The following ABCA12 variants were observed in gnomAD, a reference collection of about 807,000 sequenced individuals.
ABCA12 encodes ATP binding cassette subfamily A member 12.
Under a neutral mutation model 293.5 loss-of-function variants are expected in ABCA12, and 156 were observed. That is an observed-to-expected ratio of 0.53 (90% CI 0.47 to 0.61). ABCA12 has a LOEUF of 0.61. Among genes scored for constraint, ABCA12 ranks in the 20% least tolerant of loss-of-function variants. The pLI is 0.00. For missense variants in ABCA12, 2,797 were observed against 3,090.2 expected (o/e 0.91, Z 2.25); for synonymous variants, 1,063 against 1,108.0 (o/e 0.96, Z 0.81).
In ABCA12 at chr2:215,052,513, G is replaced by T; in HGVS notation, c.481C>A (p.Leu161Ile). The T allele has an allele frequency of 6.2e-7, 1 of 1,612,576 alleles. No individual in the cohort carries two copies. Among genetic ancestry groups the T allele is most frequent in the Non-Finnish European group, 8.5e-7 (1 of 1,178,974 alleles). ...GTYTFNGSQV[L>I]ARILGLEKLL... ...TTTTCCAAGCCAAGAATTCGTGCGA[G>T]CACTTGACTGCCATTGAAAGTATAT... The change falls in exon 5 of 53, where the codon CTC becomes ATC. Residue 161 changes from leucine (L) to isoleucine (I), a missense_variant. Leu to Ile is a conservative substitution (Grantham distance 5). This residue lies in a region of ABCA12 where 656 missense variants were observed against 638.2 expected (regional missense o/e 1.03). Coordinates refer to ENST00000272895, the MANE Select transcript of ABCA12 (RefSeq NM_173076.3).
intron 36 of ABCA12, 129 bp from the exon 37 acceptor site, chr2:214,970,529 T>A (rs944950102): frequency 2.0e-6 from 2 of 1,018,424 alleles, no homozygotes; most frequent in African/African-American, 3.3e-5. Context: ...AAGACTGTCC[T>A]TTGACTCTAA....
chr2:214,935,986 G>A (rs1409612), intron 51 of ABCA12, among the ~76,000 whole-genome samples: 44,722 of 151,916 alleles, frequency 0.29, 7,844 homozygotes, highest in South Asian at 0.44. Flanking sequence ...GAGTATCTTT[G>A]TGGACACCTT....
chr2:215,094,023 T>C (rs1702200965), intron 2 of ABCA12, among the ~76,000 whole-genome samples: 1 of 152,180 alleles, frequency 6.6e-6, no homozygotes, highest in African/African-American at 2.4e-5. Context: ...ATATCTATCG[T>C]TGAGGCTACC....
intron 26 of ABCA12, among the ~76,000 whole-genome samples, 167 bp from the exon 27 acceptor site, chr2:214,987,960 G>A (rs1699824001): frequency 6.6e-6 from 1 of 152,082 alleles, no homozygotes; most frequent in Non-Finnish European, 1.5e-5. Flanking sequence ...AAAAAACGAT[G>A]CTTTTTTTCC....
In ABCA12 at chr2:215,049,395, T is replaced by C. The variant is rs376790137; in HGVS notation, c.693+231A>G. Among the ~76,000 whole-genome samples the C allele has an allele frequency of 6.5e-4, 99 of 152,296 alleles. 1 individual carries two copies. Among genetic ancestry groups the C allele is most frequent in the African/African-American group, 2.3e-3 (95 of 41,566 alleles). Reference sequence around the variant, plus strand: ...GCCATATTTTATTTATAAAGGTGTGTCCACATTAACCATAATGTAATATTT... The same window carrying C: ...GCCATATTTTATTTATAAAGGTGTGCCCACATTAACCATAATGTAATATTT... On this transcript the variant is annotated intron_variant, in intron 6 of 52. Transcript: ENST00000272895.
At chr2:215,091,062 T>C (rs1368928358) in intron 2 of ABCA12, among the ~76,000 whole-genome samples, 18 of 152,104 alleles carry the variant, frequency 1.2e-4, no homozygotes, top group Admixed American at 1.2e-3. Context: ...GTGCCTGACG[T>C]CCAGGCATTC....
chr2:215,060,018 G>A (rs1228500340), intron 3 of ABCA12, among the ~76,000 whole-genome samples: 1 of 151,844 alleles, frequency 6.6e-6, no homozygotes, highest in Non-Finnish European at 1.5e-5. Flanking sequence ...AACTCTCCTG[G>A]CATCTGCCCA....
intron 45 of ABCA12, among the ~76,000 whole-genome samples, chr2:214,950,633 T>G (rs1395681985): frequency 1.3e-5 from 2 of 151,210 alleles, no homozygotes; most frequent in Admixed American, 6.6e-5. Flanking sequence ...GCCTCCCGAG[T>G]AACTGGGACT....
At chr2:215,054,520 C>T in intron 4 of ABCA12, 53 bp downstream of exon 4, 4 of 1,398,764 alleles carry the variant, frequency 2.9e-6, no homozygotes, top group South Asian at 1.2e-5. Context: ...AAAGATTAGA[C>T]CTTTACTGTT....
chr2:215,034,776 G>A (rs1700956003), intron 8 of ABCA12, among the ~76,000 whole-genome samples: 1 of 152,120 alleles, frequency 6.6e-6, no homozygotes, highest in Non-Finnish European at 1.5e-5. Flanking sequence ...GAGTTATTTA[G>A]ATGATAAAAT....
chr2:215,102,041 G>GTC (rs1396492588), intron 2 of ABCA12, among the ~76,000 whole-genome samples: 1 of 152,088 alleles, frequency 6.6e-6, no homozygotes, highest in African/African-American at 2.4e-5. Flanking sequence ...GTGTGTGTGT[G>GTC]TGTGTGCCTA....
At chr2:215,036,568 T>C (rs972179222) in intron 8 of ABCA12, among the ~76,000 whole-genome samples, 3 of 152,212 alleles carry the variant, frequency 2.0e-5, no homozygotes, top group African/African-American at 7.2e-5. Flanking sequence ...ATACCTTGTC[T>C]TACTGGAAAA....
At chr2:215,027,431 T>C (rs1236933972) in intron 9 of ABCA12, among the ~76,000 whole-genome samples, 1 of 152,348 alleles carries the variant, frequency 6.6e-6, no homozygotes, top group African/African-American at 2.4e-5. Context: ...AGCACTACTC[T>C]AGATCTTCTG....
intron 39 of ABCA12, among the ~76,000 whole-genome samples, chr2:214,963,544 C>T (rs1271386157): frequency 6.8e-6 from 1 of 146,960 alleles, no homozygotes; most frequent in South Asian, 2.2e-4. Flanking sequence ...AAAGGAGAGA[C>T]TCCTCCCTAA....
intron 10 of ABCA12, among the ~76,000 whole-genome samples, chr2:215,026,362 G>A (rs1237958188): frequency 2.0e-5 from 3 of 152,204 alleles, no homozygotes; most frequent in African/African-American, 7.2e-5. Context: ...AATAAAGTGT[G>A]TAAGGGTAGA....
intron 2 of ABCA12, among the ~76,000 whole-genome samples, chr2:215,069,314 T>A (rs1701692360): frequency 6.6e-6 from 1 of 151,960 alleles, no homozygotes; most frequent in Admixed American, 6.6e-5. Flanking sequence ...TGTCTCCTTG[T>A]CAAGCACCAC....
chr2:214,954,277 G>A (rs555584364), intron 43 of ABCA12, among the ~76,000 whole-genome samples, 170 bp from the exon 44 acceptor site: 1 of 152,156 alleles, frequency 6.6e-6, no homozygotes, highest in Non-Finnish European at 1.5e-5. Context: ...TATACTAAAT[G>A]GTGGATGTTT....
intron 44 of ABCA12, among the ~76,000 whole-genome samples, chr2:214,953,405 G>A (rs762185581): frequency 2.0e-5 from 3 of 152,172 alleles, no homozygotes; most frequent in Non-Finnish European, 2.9e-5. Context: ...AATGGCATGT[G>A]TATTTCTTCT....
chr2:215,112,497 G>GT (rs1186258195), intron 1 of ABCA12, among the ~76,000 whole-genome samples: 208 of 125,638 alleles, frequency 1.7e-3, no homozygotes, highest in East Asian at 3.2e-3. Flanking sequence ...TTTTTTTTTT[G>GT]TTTTTTTTTG....
Sources: allele counts gnomAD v4.1 joint callset (sites outside exome capture counted in the v4.1 genomes callset), GRCh38; gene constraint gnomAD v4.1.1; regional missense constraint gnomAD v4.1.1; transcripts MANE v1.5; gene names NCBI Gene and HGNC (gene_info 2026-07-23, HGNC 2026-07-21).